The following XKR6 variants were observed in gnomAD, a reference collection of about 807,000 sequenced individuals.
XKR6 encodes the protein XK-related protein 6.
XKR6 carries 22 observed loss-of-function variants against 56.7 expected under a neutral mutation model. The ratio of observed to expected loss-of-function variants is 0.39; its 90% CI spans 0.28 to 0.55. The LOEUF (loss-of-function observed/expected upper bound fraction) is 0.55, where lower values mean the gene tolerates loss of function less well. XKR6 is among the 20% of genes least tolerant of loss of function. The pLI, the probability that XKR6 is intolerant of heterozygous loss-of-function variation, is 0.66. For synonymous variants in XKR6, 524 were observed against 387.8 expected (o/e 1.35, Z -4.13); for missense variants, 852 against 889.0 (o/e 0.96, Z 0.53).
intron 1 of XKR6, among the ~76,000 whole-genome samples, chr8:10,990,944 C>T (rs1207000237): frequency 7.1e-6 from 1 of 140,966 alleles, no homozygotes; most frequent in Non-Finnish European, 1.5e-5. Context: ...ACTTGGTCAC[C>T]CAGGCTGGAG....
At chr8:10,990,704 A>G (rs1161897209) in intron 1 of XKR6, among the ~76,000 whole-genome samples, 1 of 152,012 alleles carries the variant, frequency 6.6e-6, no homozygotes, top group African/African-American at 2.4e-5. Flanking sequence ...CTAAGCCTGC[A>G]GAGTAGCTGG....
At chr8:11,164,174 G>A (rs1801959004) in intron 1 of XKR6, among the ~76,000 whole-genome samples, 1 of 152,170 alleles carries the variant, frequency 6.6e-6, no homozygotes. Context: ...CATCCCACAG[G>A]CTTCAGCTTC....
intron 1 of XKR6, among the ~76,000 whole-genome samples, chr8:11,024,491 A>C (rs1179294321): frequency 6.6e-6 from 1 of 152,210 alleles, no homozygotes; most frequent in Non-Finnish European, 1.5e-5. Context: ...GCACCTAATA[A>C]GCATTCAGTC....
At chr8:11,119,839 T>A (rs1266548973) in intron 1 of XKR6, among the ~76,000 whole-genome samples, 1 of 152,168 alleles carries the variant, frequency 6.6e-6, no homozygotes, top group East Asian at 1.9e-4. Flanking sequence ...TTATCCACCA[T>A]GATCAAGTGG....
At chr8:11,054,320 T>C (rs1799627219) in intron 1 of XKR6, among the ~76,000 whole-genome samples, 1 of 152,240 alleles carries the variant, frequency 6.6e-6, no homozygotes, top group Admixed American at 6.5e-5. Context: ...TCCTAACTAC[T>C]AACCTTCCTC....
chr8:11,062,293 G>T (rs376112253), intron 1 of XKR6, among the ~76,000 whole-genome samples: 91 of 152,196 alleles, frequency 6.0e-4, no homozygotes, highest in African/African-American at 2.1e-3. Context: ...GGGAGGAGCT[G>T]CAGGCTTCTC....
intron 2 of XKR6, among the ~76,000 whole-genome samples, chr8:10,902,801 C>G (rs1026392775): frequency 2.6e-5 from 4 of 152,212 alleles, no homozygotes; most frequent in Non-Finnish European, 5.9e-5. Context: ...GATGTGCCTG[C>G]CCCTCTCTCT....
chr8:11,180,694 CAGG>C (rs1008581717), intron 1 of XKR6, among the ~76,000 whole-genome samples: 2 of 152,094 alleles, frequency 1.3e-5, no homozygotes, highest in Non-Finnish European at 2.9e-5. Flanking sequence ...TGCTTGGGCC[CAGG>C]AGTTCAAGCC....
chr8:10,971,170 C>T (rs900908373), intron 1 of XKR6, among the ~76,000 whole-genome samples: 1 of 151,674 alleles, frequency 6.6e-6, no homozygotes, highest in African/African-American at 2.4e-5. Context: ...GCCTGTAATC[C>T]CAGCACTTTG....
In XKR6 at chr8:10,924,618, G is replaced by A. The variant is rs567404688; in HGVS notation, c.961+16C>T. The A allele has an allele frequency of 4.1e-5, 65 of 1,591,780 alleles. No individual in the cohort carries two copies. In the South Asian group the frequency reaches 5.1e-4, roughly 13 times the overall value. Reference sequence around the variant, plus strand: ...GGGCAGGCCGGGGTGGCGGGGCGCGGCCGGCGGGCACTCACAGGGCAGGGT... The same window carrying A: ...GGGCAGGCCGGGGTGGCGGGGCGCGACCGGCGGGCACTCACAGGGCAGGGT... On this transcript the variant is annotated intron_variant, in intron 2 of 2. Transcript: ENST00000416569.
chr8:11,144,627 T>A (rs979419596), intron 1 of XKR6, among the ~76,000 whole-genome samples: 2 of 152,006 alleles, frequency 1.3e-5, no homozygotes, highest in African/African-American at 4.8e-5. Context: ...CCTCCCTCAC[T>A]CAGGCAGATA....
chr8:11,132,372 T>C lies in XKR6; in HGVS notation c.764+68204A>G, dbSNP rs568936309. Among the ~76,000 whole-genome samples the C allele has an allele frequency of 3.9e-4, 59 of 152,048 alleles. No homozygotes were observed. In the East Asian group the frequency reaches 5.6e-3, roughly 14 times the overall value. On this transcript the variant is annotated intron_variant, in intron 1 of 2. Coordinates refer to ENST00000416569, the MANE Select transcript of XKR6 (RefSeq NM_173683.4). The stretch of plus-strand genomic sequence containing the variant: ...CTTTCTTTTTCTTTTTCTTTTTTTT[T>C]CCCCCAGACGGAATCTTGCTCTGTC...
rs143806711 is a variant in XKR6 at position 10,903,513 on chromosome 8, C to A, written c.962-4597G>T. On this transcript the variant is annotated intron_variant, in intron 2 of 2. Coordinates refer to ENST00000416569, the MANE Select transcript of XKR6 (RefSeq NM_173683.4). ...GGTAGGTGCTAAGTTGTGTCCCCCC[C>A]ACAAAATCCATATGCTGAAGCTCTA... Among the ~76,000 whole-genome samples, 1,098 of 152,226 alleles carry A rather than the reference C, an allele frequency of 7.2e-3. 17 individuals carry two copies. Among genetic ancestry groups the A allele is most frequent in the African/African-American group, 0.024 (1,016 of 41,532 alleles).
intron 1 of XKR6, among the ~76,000 whole-genome samples, chr8:10,974,148 G>C (rs530561372): frequency 6.6e-6 from 1 of 152,214 alleles, no homozygotes; most frequent in African/African-American, 2.4e-5. Flanking sequence ...GGGAGGAAGA[G>C]TAAGTACCCC....
intron 1 of XKR6, among the ~76,000 whole-genome samples, chr8:11,061,331 T>C (rs1799828167): frequency 6.6e-6 from 1 of 152,126 alleles, no homozygotes; most frequent in African/African-American, 2.4e-5. Flanking sequence ...CCAGGCGTGA[T>C]GGTGTGCACC....
At chr8:10,997,624 G>A (rs942373520) in intron 1 of XKR6, among the ~76,000 whole-genome samples, 5 of 152,224 alleles carry the variant, frequency 3.3e-5, no homozygotes, top group African/African-American at 4.8e-5. Flanking sequence ...ACAGCCTAGA[G>A]TCATGAGCCT....
At chr8:11,099,841 T>C (rs553008214) in intron 1 of XKR6, among the ~76,000 whole-genome samples, 2 of 151,920 alleles carry the variant, frequency 1.3e-5, no homozygotes, top group African/African-American at 2.4e-5. Context: ...ATGGCAGAGG[T>C]GCCACTCTAG....
chr8:10,932,622 G>A (rs1187919478), intron 1 of XKR6, among the ~76,000 whole-genome samples: 1 of 130,276 alleles, frequency 7.7e-6, no homozygotes, highest in Non-Finnish European at 1.6e-5. Flanking sequence ...TCCCCTTCAT[G>A]TGTCCATGTG....
rs140007675 is a variant in XKR6, at chr8:11,000,901, T to C, written c.765-76071A>G. 2.8e-3 allele frequency among the ~76,000 whole-genome samples: 430 copies of C among 152,206 alleles called. 1 individual carries two copies. The highest frequency in any genetic ancestry group is 9.9e-3 in the African/African-American group (412 of 41,522). ...TTCTGGACACGTGGTCCAGAGAGTA[T>C]ATCCCTCCAGCCATCAACCAATGCC... is the stretch of plus-strand genomic sequence containing the variant. On this transcript the variant is annotated intron_variant, in intron 1 of 2. Coordinates refer to ENST00000416569, the MANE Select transcript of XKR6 (RefSeq NM_173683.4).
Sources: allele counts gnomAD v4.1 joint callset (sites outside exome capture counted in the v4.1 genomes callset), GRCh38; gene constraint gnomAD v4.1.1; transcripts MANE v1.5; gene names NCBI Gene and HGNC (gene_info 2026-07-23, HGNC 2026-07-21).